NLGN1: variants seen among roughly 807,000 people sequenced by gnomAD.
NLGN1 encodes the protein neuroligin-1.
In NLGN1, 12 loss-of-function variants were observed where a neutral mutation model predicts 65.5. The ratio of observed to expected loss-of-function variants is 0.18; its 90% confidence interval spans 0.12 to 0.30. NLGN1 has a LOEUF of 0.30. Ranked by LOEUF, NLGN1 falls within the 10% of genes least tolerant of loss-of-function variation. The pLI is 1.00. For synonymous variants in NLGN1, 350 were observed against 359.5 expected (o/e 0.97, Z 0.30); for missense variants, 750 against 1,007.1 (o/e 0.74, Z 3.46).
At chr3:173,751,802 A>G (rs1776339117) in intron 3 of NLGN1, among the ~76,000 whole-genome samples, 1 of 152,116 alleles carries the variant, frequency 6.6e-6, no homozygotes, top group Non-Finnish European at 1.5e-5. Flanking sequence ...TAAGAGCTGT[A>G]CCTATATTAT....
At chr3:174,266,755 A>C (rs1047404348) in intron 4 of NLGN1, among the ~76,000 whole-genome samples, 2 of 152,026 alleles carry the variant, frequency 1.3e-5, no homozygotes, top group Admixed American at 6.5e-5. Flanking sequence ...TGCTTTGCCA[A>C]CTCTTTTCCA....
intron 3 of NLGN1, among the ~76,000 whole-genome samples, chr3:173,719,834 G>A (rs1216530944): frequency 3.3e-5 from 5 of 152,158 alleles, no homozygotes; most frequent in African/African-American, 1.2e-4. Context: ...TGATTTCTGG[G>A]CCAGACACAG....
At chr3:174,233,914 A>C (rs1258026826) in intron 4 of NLGN1, among the ~76,000 whole-genome samples, 1 of 152,182 alleles carries the variant, frequency 6.6e-6, no homozygotes. Flanking sequence ...TTACATACTA[A>C]TTTCTAACTT....
intron 1 of NLGN1, among the ~76,000 whole-genome samples, chr3:173,403,389 T>C (rs1718071124): frequency 6.6e-6 from 1 of 152,184 alleles, no homozygotes; most frequent in African/African-American, 2.4e-5. Flanking sequence ...GTTTGTCATA[T>C]GATTTCACCA....
chr3:173,829,089 A>G (rs533547422), intron 4 of NLGN1, among the ~76,000 whole-genome samples: 3 of 152,222 alleles, frequency 2.0e-5, no homozygotes, highest in South Asian at 4.1e-4. Flanking sequence ...TACTGCAATA[A>G]TCCAGGCACA....
At chr3:174,043,579 T>A (rs1391517702) in intron 4 of NLGN1, among the ~76,000 whole-genome samples, 1 of 152,228 alleles carries the variant, frequency 6.6e-6, no homozygotes, top group East Asian at 1.9e-4. Context: ...TCCAGAATGA[T>A]CTCCTTTGAC....
chr3:173,695,949 C>T (rs758242343), intron 3 of NLGN1, among the ~76,000 whole-genome samples: 3 of 152,126 alleles, frequency 2.0e-5, no homozygotes, highest in Non-Finnish European at 4.4e-5. Context: ...GTAGCTGAGA[C>T]TACAGGTGTG....
chr3:173,627,099 T>C (rs1754939997), intron 3 of NLGN1, among the ~76,000 whole-genome samples: 1 of 152,084 alleles, frequency 6.6e-6, no homozygotes, highest in South Asian at 2.1e-4. Flanking sequence ...TGATCTACCA[T>C]GGGTTTTTTG....
At chr3:174,210,043 A>G (rs187651214) in intron 4 of NLGN1, among the ~76,000 whole-genome samples, 1 of 152,148 alleles carries the variant, frequency 6.6e-6, no homozygotes, top group Non-Finnish European at 1.5e-5. Flanking sequence ...TTTATCTTAC[A>G]GATGTTTTGA....
chr3:174,029,955 A>T (rs1043117091), intron 4 of NLGN1, among the ~76,000 whole-genome samples: 1 of 152,124 alleles, frequency 6.6e-6, no homozygotes, highest in Non-Finnish European at 1.5e-5. Context: ...TTTATAAATT[A>T]CCCAGTCTCA....
chr3:173,998,095 CT>C (rs1722618374), intron 4 of NLGN1, among the ~76,000 whole-genome samples: 2 of 152,112 alleles, frequency 1.3e-5, no homozygotes, highest in African/African-American at 4.8e-5. Context: ...CCCTCTTGTT[CT>C]TACTGTTTTA....
chr3:173,853,636 C>T (rs371017781), intron 4 of NLGN1, among the ~76,000 whole-genome samples: 1 of 152,002 alleles, frequency 6.6e-6, no homozygotes, highest in East Asian at 1.9e-4. Context: ...CTTATGTGTG[C>T]TTACTAAGTG....
chr3:173,864,617 A>G (rs567253553), intron 4 of NLGN1, among the ~76,000 whole-genome samples: 52 of 152,302 alleles, frequency 3.4e-4, no homozygotes, highest in Non-Finnish European at 6.0e-4. Context: ...TAAATCTGTT[A>G]TGATTTTACC....
chr3:174,203,118 T>G (rs1011994838), intron 4 of NLGN1, among the ~76,000 whole-genome samples: 2 of 152,200 alleles, frequency 1.3e-5, no homozygotes, highest in Admixed American at 1.3e-4. Flanking sequence ...AGCTCTCTCC[T>G]CCTATGATTA....
intron 4 of NLGN1, among the ~76,000 whole-genome samples, chr3:174,048,279 A>ACTTGCC (rs1734068493): frequency 6.6e-6 from 1 of 152,084 alleles, no homozygotes; most frequent in African/African-American, 2.4e-5. Flanking sequence ...TGGACCAGTC[A>ACTTGCC]CTTGCCCTTT....
intron 2 of NLGN1, among the ~76,000 whole-genome samples, chr3:173,532,828 A>G (rs1275031594): frequency 6.6e-6 from 1 of 152,184 alleles, no homozygotes; most frequent in African/African-American, 2.4e-5. Flanking sequence ...ATTCTCCCTG[A>G]TACTCCATGT....
chr3:173,574,536 G>T (rs1441285266), intron 2 of NLGN1, among the ~76,000 whole-genome samples: 5 of 151,858 alleles, frequency 3.3e-5, no homozygotes, highest in Non-Finnish European at 5.9e-5. Flanking sequence ...ACAGTTGATG[G>T]TTTTAAATAA....
At chr3:173,626,623 GT>G (rs1464688446) in intron 3 of NLGN1, among the ~76,000 whole-genome samples, 1 of 152,012 alleles carries the variant, frequency 6.6e-6, no homozygotes, top group Non-Finnish European at 1.5e-5. Flanking sequence ...TGAGAATTAT[GT>G]TTTTGTTTCT....
intron 4 of NLGN1, among the ~76,000 whole-genome samples, chr3:174,176,608 A>G (rs1389407863): frequency 6.6e-6 from 1 of 151,760 alleles, no homozygotes. Flanking sequence ...TTTTTCTAGA[A>G]GGATGTAAAT....
Sources: gnomAD v4.1 joint callset for allele counts (sites outside exome capture counted in the v4.1 genomes callset) on GRCh38, gnomAD v4.1.1 for gene constraint, MANE v1.5 for transcripts, NCBI Gene and HGNC (gene_info 2026-07-23, HGNC 2026-07-21) for gene names.